The following KCNN2 variants were observed in gnomAD, a reference collection of about 807,000 sequenced individuals.
KCNN2 encodes potassium calcium-activated channel subfamily N member 2.
In KCNN2, 24 loss-of-function variants were observed where a neutral mutation model predicts 55.5. That is an observed-to-expected ratio of 0.43 (90% CI 0.31 to 0.61). The LOEUF (loss-of-function observed/expected upper bound fraction) is 0.61. KCNN2 is among the 20% of genes least tolerant of loss of function. The probability of loss-of-function intolerance (pLI) is 0.08; values close to 1 mark genes in which losing one functional copy is unlikely to be tolerated. For synonymous variants in KCNN2, 431 were observed against 336.1 expected (o/e 1.28, Z -3.09); for missense variants, 754 against 853.6 (o/e 0.88, Z 1.45).
At chr5:114,395,771 C>T (rs1233583578) in intron 2 of KCNN2, among the ~76,000 whole-genome samples, 2 of 152,138 alleles carry the variant, frequency 1.3e-5, no homozygotes, top group Admixed American at 1.3e-4. Context: ...GCCTTGTCTC[C>T]TAGGACAGTT....
At chr5:114,174,884 T>G (rs1216312982) in intron 1 of KCNN2, among the ~76,000 whole-genome samples, 2 of 152,192 alleles carry the variant, frequency 1.3e-5, no homozygotes, top group African/African-American at 4.8e-5. Context: ...AAATTATCAT[T>G]TGAGCCCTTA....
chr5:114,158,176 T>G (rs970672753), intron 1 of KCNN2, among the ~76,000 whole-genome samples: 1 of 152,158 alleles, frequency 6.6e-6, no homozygotes, highest in Admixed American at 6.5e-5. Flanking sequence ...GAATTAATTT[T>G]TGTATAAGGT....
At chr5:114,323,149 C>T (rs890088675) in intron 2 of KCNN2, among the ~76,000 whole-genome samples, 1 of 152,208 alleles carries the variant, frequency 6.6e-6, no homozygotes, top group Non-Finnish European at 1.5e-5. Context: ...AAAAGAGGAA[C>T]CCCGGTTTAC....
At chr5:114,298,851 C>T (rs1286055284) in intron 2 of KCNN2, among the ~76,000 whole-genome samples, 1 of 152,046 alleles carries the variant, frequency 6.6e-6, no homozygotes, top group Non-Finnish European at 1.5e-5. Flanking sequence ...TTTGGCTTCA[C>T]TTCAGATATA....
chr5:114,392,588 A>G (rs1758478778), intron 2 of KCNN2, among the ~76,000 whole-genome samples: 1 of 152,172 alleles, frequency 6.6e-6, no homozygotes, highest in Non-Finnish European at 1.5e-5. Flanking sequence ...AATTCTGAAC[A>G]TAGCTTTTCA....
chr5:114,198,263 C>T (rs2112569381), intron 1 of KCNN2, among the ~76,000 whole-genome samples: 1 of 149,508 alleles, frequency 6.7e-6, no homozygotes, highest in African/African-American at 2.5e-5. Context: ...AGTAGTATTC[C>T]ATTATATATA....
At chr5:114,109,144 G>C (rs1340865772) in intron 1 of KCNN2, among the ~76,000 whole-genome samples, 2 of 152,156 alleles carry the variant, frequency 1.3e-5, no homozygotes, top group East Asian at 3.9e-4. Context: ...GTGTTTCCAA[G>C]CTTGTAGTCA....
chr5:114,378,235 G>A (rs896757621), intron 2 of KCNN2, among the ~76,000 whole-genome samples: 2 of 152,166 alleles, frequency 1.3e-5, no homozygotes, highest in African/African-American at 4.8e-5. Flanking sequence ...GTATATTGCC[G>A]CTTTTGTGCT....
chr5:114,161,184 T>C (rs1336986151), intron 1 of KCNN2, among the ~76,000 whole-genome samples: 6 of 152,222 alleles, frequency 3.9e-5, no homozygotes, highest in Non-Finnish European at 1.5e-5. Flanking sequence ...TCAGGAGCTC[T>C]TTTAGGGCAG....
chr5:114,159,471 G>T (rs1185390623), intron 1 of KCNN2, among the ~76,000 whole-genome samples: 1 of 151,756 alleles, frequency 6.6e-6, no homozygotes, highest in Non-Finnish European at 1.5e-5. Flanking sequence ...TCTTTTTTTT[G>T]ATTGTGTCTG....
intron 2 of KCNN2, among the ~76,000 whole-genome samples, chr5:114,228,012 T>C (rs72797681): frequency 5.5e-4 from 4 of 7,244 alleles, no homozygotes; most frequent in South Asian, 7.4e-3. Flanking sequence ...ATGATGATGA[T>C]GATGATGATG....
intron 2 of KCNN2, among the ~76,000 whole-genome samples, chr5:114,372,785 A>G (rs143774567): frequency 2.1e-4 from 32 of 152,192 alleles, no homozygotes; most frequent in African/African-American, 7.5e-4. Context: ...TATTCTCTTC[A>G]TGTAACTTTT....
intron 2 of KCNN2, among the ~76,000 whole-genome samples, chr5:114,356,120 AC>A: frequency 6.6e-6 from 1 of 152,216 alleles, no homozygotes; most frequent in Admixed American, 6.5e-5. Context: ...TGTAAAACAG[AC>A]CCACAGAAAA....
At chr5:114,369,382 T>G (rs1488573577) in intron 2 of KCNN2, among the ~76,000 whole-genome samples, 1 of 152,164 alleles carries the variant, frequency 6.6e-6, no homozygotes, top group African/African-American at 2.4e-5. Context: ...TTTCCCAAGT[T>G]TTATTATCTC....
At chr5:114,376,447 C>T (rs1580764883) in intron 2 of KCNN2, among the ~76,000 whole-genome samples, 2 of 152,150 alleles carry the variant, frequency 1.3e-5, no homozygotes, top group African/African-American at 4.8e-5. Flanking sequence ...GGAGGGTGAG[C>T]AGAAGCCTCA....
chr5:114,408,272 C>T (rs1277225081), intron 3 of KCNN2, among the ~76,000 whole-genome samples: 2 of 147,930 alleles, frequency 1.4e-5, no homozygotes, highest in East Asian at 4.0e-4. Flanking sequence ...TGCTTTTTTG[C>T]TGTCTGCTTG....
chr5:114,180,527 A>G (rs1753218115), intron 1 of KCNN2, among the ~76,000 whole-genome samples: 1 of 152,144 alleles, frequency 6.6e-6, no homozygotes, highest in South Asian at 2.1e-4. Flanking sequence ...TAAGAATTCT[A>G]ATCTTTTAAA....
At chr5:114,234,342 C>T (rs775538280) in intron 2 of KCNN2, among the ~76,000 whole-genome samples, 2 of 152,034 alleles carry the variant, frequency 1.3e-5, no homozygotes, top group African/African-American at 2.4e-5. Flanking sequence ...GTGCGATGTG[C>T]GATGGTAAAT....
chr5:114,274,068 T>C (rs1025619347), intron 2 of KCNN2, among the ~76,000 whole-genome samples: 7 of 152,214 alleles, frequency 4.6e-5, no homozygotes, highest in Non-Finnish European at 8.8e-5. Flanking sequence ...GGCTAGCCAG[T>C]TTTCTCAACA....
Sources: gnomAD v4.1 joint callset for allele counts (sites outside exome capture counted in the v4.1 genomes callset) on GRCh38, gnomAD v4.1.1 for gene constraint, MANE v1.5 for transcripts, NCBI Gene and HGNC (gene_info 2026-07-23, HGNC 2026-07-21) for gene names.